The following FGD1 variants were observed in gnomAD, a reference collection of about 807,000 sequenced individuals.
FGD1 encodes FYVE, RhoGEF and PH domain-containing protein 1.
Under a neutral mutation model 65.0 loss-of-function variants are expected in FGD1, and 12 were observed. That is an observed-to-expected ratio of 0.18 (90% confidence interval 0.12 to 0.30). The LOEUF (loss-of-function observed/expected upper bound fraction) is 0.30. Among genes scored for constraint, FGD1 ranks in the 10% least tolerant of loss-of-function variants. The probability of loss-of-function intolerance (pLI) is 1.00; values close to 1 mark genes in which losing one functional copy is unlikely to be tolerated. For missense variants in FGD1, 542 were observed against 837.6 expected (o/e 0.65, Z 4.36); for synonymous variants, 333 against 343.9 (o/e 0.97, Z 0.35).
chrX:54,446,340 G>C lies in FGD1; in HGVS notation c.2655C>G (p.Asp885Glu). Residue 885 changes from aspartate (D) to glutamate (E), a missense_variant, in exon 18 of 18, where the codon GAC (aspartate) becomes GAG (glutamate). Physicochemically the swap from Asp to Glu is conservative, Grantham distance 45. Around this residue, in one of 6 missense-constraint regions of FGD1, gnomAD observed 182 missense variants for 311.4 expected, o/e 0.58. Transcript: ENST00000375135. The stretch of plus-strand genomic sequence containing the variant: ...GGGTGATCTTGAAGACATGCCTTCT[G>C]TCAGGCCGCTCCCCTGCCTCGGGCG... ...VGPPEAGERP[D>E]RRHVFKITQS... is the part of the protein sequence containing the mutation. The C allele has an allele frequency of 8.3e-7, 1 of 1,210,917 alleles. No homozygotes were observed. The highest frequency in any genetic ancestry group is 1.1e-6 in the Non-Finnish European group (1 of 894,972).
chrX:54,494,460 G>T (rs1231478703), intron 1 of FGD1, among the ~76,000 whole-genome samples: 1 of 94,994 alleles, frequency 1.1e-5, no homozygotes, highest in African/African-American at 4.0e-5. Context: ...GAATAGTACA[G>T]GAGAAAATCA....
intron 16 of FGD1, 108 bp downstream of exon 16, chrX:54,448,698 C>T (rs1342983003): frequency 1.3e-6 from 1 of 794,456 alleles, no homozygotes; most frequent in Non-Finnish European, 1.8e-6. Context: ...AAGCCTGGGT[C>T]CCTTGATCAC....
At chrX:54,483,793 A>G (rs1014955557) in intron 1 of FGD1, among the ~76,000 whole-genome samples, 2 of 111,321 alleles carry the variant, frequency 1.8e-5, no homozygotes, top group African/African-American at 6.5e-5. Context: ...CCAGCTGCCC[A>G]AGCCCAAGTC....
chrX:54,449,056 C>A (rs35977564), intron 15 of FGD1, 87 bp downstream of exon 15: 52 of 1,201,996 alleles, frequency 4.3e-5, no homozygotes, highest in Non-Finnish European at 5.3e-5. Flanking sequence ...TGGCCTCCCC[C>A]CACTTGGAGG....
At chrX:54,482,524 C>T (rs1467778242) in intron 1 of FGD1, among the ~76,000 whole-genome samples, 2 of 111,942 alleles carry the variant, frequency 1.8e-5, no homozygotes, top group Admixed American at 1.9e-4. Context: ...GGGGCTGCCA[C>T]GCTGGCTGAG....
chrX:54,470,132 G>A lies in FGD1; in HGVS notation c.985C>T (p.Arg329Trp), dbSNP rs771102505. 1.9e-5 allele frequency: 23 copies of A among 1,207,745 alleles called. No homozygotes were observed. Among genetic ancestry groups the A allele is most frequent in the South Asian group, 3.5e-5 (2 of 56,418 alleles). The change falls in exon 4 of 18, where the codon CGG becomes TGG. Residue 329 changes from arginine (R) to tryptophan (W), a missense_variant. Arg to Trp is a moderately radical substitution (Grantham distance 101). Around this residue, in one of 6 missense-constraint regions of FGD1, gnomAD observed 297 missense variants for 326.8 expected, o/e 0.91. Coordinates refer to ENST00000375135, the MANE Select transcript of FGD1 (RefSeq NM_004463.3). ...CTGTCAACCTCTTGGGAGCCAGGCC[G>A]GTGGGGGTCGGCCAAGGCAACAGGC... ...SVPVALADPHRPGSQEVDSDL... is the reference protein window; with the variant it reads ...SVPVALADPHWPGSQEVDSDL...
intron 12 of FGD1, among the ~76,000 whole-genome samples, chrX:54,451,194 G>A (rs1922368934): frequency 9.0e-6 from 1 of 111,239 alleles, no homozygotes; most frequent in African/African-American, 3.3e-5. Context: ...TCAGCACAAT[G>A]TCTGGCACAC....
At chrX:54,452,199 C>T (rs751018127) in intron 12 of FGD1, among the ~76,000 whole-genome samples, 2 of 93,265 alleles carry the variant, frequency 2.1e-5, no homozygotes, top group East Asian at 3.5e-4. Flanking sequence ...CCCAGGAGTT[C>T]GAGGCTGAAG....
At chrX:54,473,709 G>A (rs1922949867) in intron 1 of FGD1, among the ~76,000 whole-genome samples, 1 of 112,523 alleles carries the variant, frequency 8.9e-6, no homozygotes, top group Non-Finnish European at 1.9e-5. Flanking sequence ...GAAGGGTCAG[G>A]TGCGGTGGCT....
chrX:54,456,138 T>A, intron 10 of FGD1, 82 bp downstream of exon 10: 1 of 1,070,301 alleles, frequency 9.3e-7, no homozygotes, highest in Non-Finnish European at 1.3e-6. Context: ...GGAGGTATAG[T>A]CTTTGAGTGA....
intron 14 of FGD1, 147 bp downstream of exon 14, chrX:54,449,512 T>C: frequency 1.9e-6 from 1 of 524,739 alleles, no homozygotes; most frequent in East Asian, 3.4e-5. Context: ...TCTGTGGCCC[T>C]ACCAATGGAA....
intron 6 of FGD1, among the ~76,000 whole-genome samples, chrX:54,466,911 G>A (rs1302768858): frequency 1.8e-5 from 2 of 109,143 alleles, no homozygotes; most frequent in African/African-American, 3.3e-5. Flanking sequence ...CACCATGCCC[G>A]GCTAATTTTT....
At chrX:54,488,195 G>A (rs1158891609) in intron 1 of FGD1, among the ~76,000 whole-genome samples, 1 of 85,572 alleles carries the variant, frequency 1.2e-5, no homozygotes, top group Non-Finnish European at 2.2e-5. Flanking sequence ...ACCAGGACCC[G>A]GGAGGAGGAG....
In FGD1 at chrX:54,465,433, C is replaced by T. The variant is rs1922737299; in HGVS notation, c.1636+18G>A. ...TTAGTGTGGAGAAGTAGGAAGGGGCCTGGGTGCACACACTCACTTTGGGCA... is the reference window on the plus strand; with the variant it reads ...TTAGTGTGGAGAAGTAGGAAGGGGCTTGGGTGCACACACTCACTTTGGGCA... On this transcript the variant is annotated intron_variant, in intron 8 of 17. Coordinates refer to ENST00000375135, the MANE Select transcript of FGD1 (RefSeq NM_004463.3). The T allele has an allele frequency of 1.0e-5, 12 of 1,198,064 alleles. No individual in the cohort carries two copies. Among genetic ancestry groups the T allele is most frequent in the Middle Eastern group, 4.6e-4 (2 of 4,302 alleles).
intron 12 of FGD1, among the ~76,000 whole-genome samples, chrX:54,453,618 T>C (rs1241532587): frequency 8.9e-6 from 1 of 111,822 alleles, no homozygotes; most frequent in Non-Finnish European, 1.9e-5. Context: ...TTGCCCAGGC[T>C]GGTCTCGAAC....
intron 8 of FGD1, among the ~76,000 whole-genome samples, chrX:54,461,633 G>GAAAAAAA (rs1304883224): frequency 1.1e-5 from 1 of 88,424 alleles, no homozygotes; most frequent in Non-Finnish European, 2.3e-5. Context: ...AAAAGAAAAA[G>GAAAAAAA]AAAAAAGAAA....
intron 12 of FGD1, among the ~76,000 whole-genome samples, chrX:54,450,722 G>A (rs1922355603): frequency 9.0e-6 from 1 of 111,188 alleles, no homozygotes; most frequent in South Asian, 3.8e-4. Context: ...ATGTGTGGGA[G>A]AGAATATAGA....
intron 12 of FGD1, among the ~76,000 whole-genome samples, chrX:54,454,202 C>G (rs919545649): frequency 9.0e-6 from 1 of 111,708 alleles, no homozygotes; most frequent in Non-Finnish European, 1.9e-5. Context: ...CACTAGTACA[C>G]TAGATGGTCT....
rs771877369 is a variant in FGD1 at position 54,481,707 on chromosome X, G to A, written c.308-10220C>T. Among the ~76,000 whole-genome samples, 90 of 106,463 alleles carry A rather than the reference G, an allele frequency of 8.5e-4. 1 individual carries two copies. The highest frequency in any genetic ancestry group is 2.9e-3 in the African/African-American group (85 of 28,987). 92.5% of individuals were successfully genotyped at this position (106,463 alleles called of 115,157 possible). A position where few individuals can be genotyped will look rare whatever the true frequency, so the allele number is the denominator to read the frequency against. On this transcript the variant is annotated intron_variant, in intron 1 of 17. Transcript: ENST00000375135. ...TTTTTAGTTGCACCATCCAGGATGG[G>A]GTGTGTTTTTTTTAGGTATAGATGG...
Sources: allele counts gnomAD v4.1 joint callset (sites outside exome capture counted in the v4.1 genomes callset), GRCh38; gene constraint gnomAD v4.1.1; regional missense constraint gnomAD v4.1.1; transcripts MANE v1.5; gene names NCBI Gene and HGNC (gene_info 2026-07-23, HGNC 2026-07-21).